CLVS1: variants seen among roughly 807,000 people sequenced by gnomAD.
The protein encoded by CLVS1 is clavesin-1.
In CLVS1, 10 loss-of-function variants were observed where a neutral mutation model predicts 33.1. The observed-to-expected ratio is 0.30, with a 90% CI of 0.19 to 0.51. The LOEUF is 0.51. Among genes scored for constraint, CLVS1 ranks in the 20% least tolerant of loss-of-function variants. The pLI, the probability that CLVS1 is intolerant of heterozygous loss-of-function variation, is 0.97. For missense variants in CLVS1, 343 were observed against 433.4 expected (o/e 0.79, Z 1.85); for synonymous variants, 163 against 166.1 (o/e 0.98, Z 0.14).
chr8:61,384,142 C>T (rs922894074), intron 3 of CLVS1, among the ~76,000 whole-genome samples: 1 of 152,136 alleles, frequency 6.6e-6, no homozygotes, highest in Non-Finnish European at 1.5e-5. Context: ...GGAGAGAATA[C>T]AGACAAAGAC....
chr8:61,073,448 C>T (rs1046676659), intron 1 of CLVS1, among the ~76,000 whole-genome samples: 2 of 152,066 alleles, frequency 1.3e-5, no homozygotes, highest in Non-Finnish European at 2.9e-5. Flanking sequence ...GTAAGGAAAC[C>T]AACAAAGCCA....
intron 1 of CLVS1, chr8:61,090,893 A>G (rs533105482): frequency 1.5e-5 from 8 of 518,848 alleles, no homozygotes; most frequent in Non-Finnish European, 3.1e-5. Flanking sequence ...TTGAAGCTGT[A>G]ATGAGTTAAG....
intron 5 of CLVS1, among the ~76,000 whole-genome samples, chr8:61,491,858 A>C (rs1160923421): frequency 6.6e-6 from 1 of 152,242 alleles, no homozygotes; most frequent in Non-Finnish European, 1.5e-5. Flanking sequence ...ACTTTTATCT[A>C]AATGATAACA....
chr8:61,001,321 A>C, the CLVS1 span, among the ~76,000 whole-genome samples: 1 of 152,118 alleles, frequency 6.6e-6, no homozygotes, highest in Non-Finnish European at 1.5e-5. Flanking sequence ...AGAGATCCAA[A>C]ATGCTATCAT....
intron 1 of CLVS1, among the ~76,000 whole-genome samples, chr8:61,063,294 A>AGAGAGAGAGAGAGAGAGAGG (rs1804617894): frequency 1.1e-5 from 1 of 95,086 alleles, no homozygotes; most frequent in Non-Finnish European, 1.9e-5. Context: ...AGAGAGAGAG[A>AGAGAGAGAGAGAGAGAGAGG]TAGAGAGAGA....
the CLVS1 span, among the ~76,000 whole-genome samples, chr8:61,023,160 G>A: frequency 6.6e-5 from 10 of 152,236 alleles, no homozygotes; most frequent in African/African-American, 2.4e-4. Context: ...ACTACAAGAA[G>A]CACCTGGAAA....
chr8:61,298,454 C>A (rs190586977), intron 1 of CLVS1, among the ~76,000 whole-genome samples: 1 of 151,818 alleles, frequency 6.6e-6, no homozygotes, highest in Admixed American at 6.5e-5. Context: ...TTTTTTATCT[C>A]CTCCGTATCC....
Position 61,299,969 on chromosome 8 carries a change from G to A in CLVS1, c.142G>A (p.Val48Ile). 1 of 1,614,008 alleles carries A rather than the reference G, an allele frequency of 6.2e-7. No homozygotes were observed. Residue 48 changes from valine (V) to isoleucine (I), a missense_variant, in exon 2 of 6, where the codon GTT becomes ATT. By Grantham distance (29) the Val-to-Ile change is conservative (BLOSUM62 3). Transcript: ENST00000325897. ...ARLELNENPD[V>I]LHQDIQQVRD... ...CCTGGAACTGAATGAAAACCCCGAT[G>A]TTTTACATCAGGATATTCAGCAAGT... is the stretch of plus-strand genomic sequence containing the variant.
intron 2 of CLVS1, among the ~76,000 whole-genome samples, chr8:61,315,941 C>T (rs1486550745): frequency 2.6e-5 from 4 of 152,056 alleles, no homozygotes; most frequent in African/African-American, 9.7e-5. Context: ...CATGTGTTCT[C>T]ATTGTTCAAC....
intron 2 of CLVS1, among the ~76,000 whole-genome samples, chr8:61,161,863 T>A (rs773531161): frequency 6.6e-6 from 1 of 152,244 alleles, no homozygotes; most frequent in Non-Finnish European, 1.5e-5. Context: ...ATTTTTAAAC[T>A]GTCTATGTAT....
intron 2 of CLVS1, among the ~76,000 whole-genome samples, chr8:61,177,458 A>ACACCCTCTC (rs1807138694): frequency 6.6e-6 from 1 of 152,138 alleles, no homozygotes; most frequent in Admixed American, 6.5e-5. Flanking sequence ...CCAGTGCGGC[A>ACACCCTCTC]CACCCTCTCC....
intron 2 of CLVS1, among the ~76,000 whole-genome samples, chr8:61,225,277 C>G (rs1197331934): frequency 2.6e-5 from 4 of 151,766 alleles, no homozygotes; most frequent in African/African-American, 9.7e-5. Context: ...GAGATAGTAC[C>G]ATTATACTAC....
At chr8:61,041,325 C>T in the CLVS1 span, among the ~76,000 whole-genome samples, 1 of 151,760 alleles carries the variant, frequency 6.6e-6, no homozygotes, top group Non-Finnish European at 1.5e-5. Flanking sequence ...TTTTTGGTTC[C>T]AAATGAATAT....
chr8:61,046,530 T>G, the CLVS1 span, among the ~76,000 whole-genome samples: 2 of 145,610 alleles, frequency 1.4e-5, no homozygotes, highest in Admixed American at 6.8e-5. Flanking sequence ...GTGAAGAAAG[T>G]CATTGGTAGC....
At chr8:61,345,964 A>G (rs565461645) in intron 2 of CLVS1, among the ~76,000 whole-genome samples, 149 of 152,164 alleles carry the variant, frequency 9.8e-4, no homozygotes, top group Middle Eastern at 3.4e-3. Context: ...CACCAAACCT[A>G]TATGTGATTT....
chr8:61,310,092 G>A (rs1189702059), intron 2 of CLVS1, among the ~76,000 whole-genome samples: 1 of 152,138 alleles, frequency 6.6e-6, no homozygotes, highest in Admixed American at 6.6e-5. Flanking sequence ...AGGGTCATGA[G>A]GTAACCCTGC....
intron 1 of CLVS1, among the ~76,000 whole-genome samples, chr8:61,077,665 G>A (rs1804946316): frequency 6.6e-6 from 1 of 152,166 alleles, no homozygotes; most frequent in Admixed American, 6.5e-5. Context: ...TATTAGAGAC[G>A]AGGTTTCACT....
chr8:61,458,118 G>A, intron 4 of CLVS1, among the ~76,000 whole-genome samples, 189 bp from the exon 5 acceptor site: 1 of 152,160 alleles, frequency 6.6e-6, no homozygotes, highest in East Asian at 1.9e-4. Flanking sequence ...TATTAATTCA[G>A]CCCCTTTTCT....
the CLVS1 span, among the ~76,000 whole-genome samples, chr8:60,980,422 C>T: frequency 6.6e-6 from 1 of 152,058 alleles, no homozygotes; most frequent in Non-Finnish European, 1.5e-5. Flanking sequence ...AGCATAGAAA[C>T]GGTAGTGGGT....
Sources: allele counts gnomAD v4.1 joint callset (sites outside exome capture counted in the v4.1 genomes callset), GRCh38; gene constraint gnomAD v4.1.1; transcripts MANE v1.5; gene names NCBI Gene and HGNC (gene_info 2026-07-23, HGNC 2026-07-21).